Variants in CSMD1 observed in about 807,000 individuals in gnomAD.
The protein encoded by CSMD1 is CUB and sushi domain-containing protein 1.
In CSMD1, 213 loss-of-function variants were observed where a neutral mutation model predicts 417.5. The observed-to-expected ratio is 0.51, with a 90% confidence interval of 0.46 to 0.57. CSMD1 has a LOEUF of 0.57. Ranked by LOEUF, CSMD1 falls within the 20% of genes least tolerant of loss-of-function variation. CSMD1 has a pLI of 0.00. For missense variants in CSMD1, 6,923 were observed against 4,529.7 expected (o/e 1.53, Z -15.17); for synonymous variants, 2,862 against 1,736.8 (o/e 1.65, Z -16.11).
At chr8:4,036,633 AG>A (rs1797631982) in intron 3 of CSMD1, among the ~76,000 whole-genome samples, 1 of 152,236 alleles carries the variant, frequency 6.6e-6, no homozygotes, top group East Asian at 1.9e-4. Flanking sequence ...CGGATGTCAA[AG>A]AAAAAACTAG....
intron 1 of CSMD1, among the ~76,000 whole-genome samples, chr8:4,771,994 C>T (rs1035333838): frequency 1.3e-5 from 2 of 152,130 alleles, no homozygotes; most frequent in African/African-American, 4.8e-5. Flanking sequence ...CAAACAAGAC[C>T]CATGTCTCGT....
intron 2 of CSMD1, among the ~76,000 whole-genome samples, chr8:4,510,390 TAAAAAAAAAAAAAAAAAAAAA>T (rs34791623): frequency 1.8e-5 from 1 of 54,644 alleles, no homozygotes; most frequent in East Asian, 6.2e-4. Flanking sequence ...GCATAATGCC[TAAAAAAAAAAAAAAAAAAAAA>T]AAAAAAAAAA....
At chr8:4,597,696 C>T (rs1215123376) in intron 2 of CSMD1, among the ~76,000 whole-genome samples, 3 of 152,060 alleles carry the variant, frequency 2.0e-5, no homozygotes, top group Admixed American at 6.6e-5. Flanking sequence ...TTATTAACTC[C>T]TTTGGACCAT....
intron 3 of CSMD1, among the ~76,000 whole-genome samples, chr8:4,233,336 A>G (rs1184579041): frequency 3.9e-5 from 6 of 152,198 alleles, no homozygotes; most frequent in Admixed American, 3.9e-4. Context: ...CTTCATTGAC[A>G]TATTAAAAGT....
intron 3 of CSMD1, among the ~76,000 whole-genome samples, chr8:4,088,474 C>CT (rs1239115579): frequency 1.6e-4 from 24 of 152,358 alleles, no homozygotes; most frequent in African/African-American, 5.8e-4. Context: ...CCCAACATCT[C>CT]TCTTCACTGG....
chr8:4,589,084 G>T (rs1259599689), intron 2 of CSMD1, among the ~76,000 whole-genome samples: 3 of 151,970 alleles, frequency 2.0e-5, no homozygotes, highest in African/African-American at 4.8e-5. Context: ...TAAAAAATAT[G>T]TTGTCCTTAG....
chr8:3,970,334 A>G (rs551931308), intron 5 of CSMD1, among the ~76,000 whole-genome samples: 5 of 152,316 alleles, frequency 3.3e-5, no homozygotes, highest in African/African-American at 9.6e-5. Flanking sequence ...AGAATCCTAT[A>G]CCAGCATAAG....
chr8:3,266,878 G>A (rs1488651142), intron 26 of CSMD1, among the ~76,000 whole-genome samples: 2 of 152,040 alleles, frequency 1.3e-5, no homozygotes, highest in Admixed American at 6.5e-5. Flanking sequence ...AGTGATGAGT[G>A]TAGAAACACA....
At chr8:4,647,158 T>C (rs1368300332) in intron 1 of CSMD1, among the ~76,000 whole-genome samples, 3 of 152,000 alleles carry the variant, frequency 2.0e-5, no homozygotes, top group South Asian at 2.1e-4. Context: ...AATGGGTTCA[T>C]ATCCATCTCT....
chr8:3,506,189 C>G (rs1002824508), intron 10 of CSMD1, among the ~76,000 whole-genome samples: 1 of 152,074 alleles, frequency 6.6e-6, no homozygotes, highest in Non-Finnish European at 1.5e-5. Flanking sequence ...TGAACACCCC[C>G]AGCCCCAGGA....
At chr8:3,322,083 A>G (rs1033077849) in intron 23 of CSMD1, among the ~76,000 whole-genome samples, 3 of 152,234 alleles carry the variant, frequency 2.0e-5, no homozygotes, top group African/African-American at 7.2e-5. Context: ...TACATAATAT[A>G]TGAAAGTCAG....
intron 50 of CSMD1, chr8:3,043,738 C>T (rs1410026073): frequency 6.6e-6 from 1 of 152,138 alleles, no homozygotes; most frequent in African/African-American, 2.4e-5. Flanking sequence ...TTTTCAAGTG[C>T]TCTTCATCCA....
intron 11 of CSMD1, among the ~76,000 whole-genome samples, chr8:3,488,081 T>C (rs956590143): frequency 3.5e-5 from 5 of 143,680 alleles, no homozygotes; most frequent in Admixed American, 6.9e-5. Context: ...GTTTAGAAAC[T>C]CATAGTATTA....
chr8:3,442,107 T>A (rs1414024356), intron 12 of CSMD1, among the ~76,000 whole-genome samples: 1 of 151,976 alleles, frequency 6.6e-6, no homozygotes, highest in East Asian at 1.9e-4. Flanking sequence ...ATAAAAAATG[T>A]TTACAGAAGA....
At chr8:4,563,125 G>C (rs549290285) in intron 2 of CSMD1, among the ~76,000 whole-genome samples, 1 of 152,224 alleles carries the variant, frequency 6.6e-6, no homozygotes, top group East Asian at 1.9e-4. Flanking sequence ...CAATGGGCCG[G>C]GCACAGTGAC....
intron 3 of CSMD1, among the ~76,000 whole-genome samples, chr8:4,044,960 C>T (rs577733640): frequency 6.6e-6 from 1 of 152,218 alleles, no homozygotes; most frequent in Non-Finnish European, 1.5e-5. Context: ...TAATTATATT[C>T]AACATCTTGT....
chr8:3,817,252 C>CTTTTTTTTTTTTTTTTTTTTTTTT (rs767668610), intron 5 of CSMD1, among the ~76,000 whole-genome samples: 1 of 54,390 alleles, frequency 1.8e-5, no homozygotes, highest in Non-Finnish European at 3.4e-5. Context: ...TCTTCTTCTT[C>CTTTTTTTTTTTTTTTTTTTTTTTT]TTTTTTTTTT....
At chr8:4,799,939 T>G (rs1798185760) in intron 1 of CSMD1, among the ~76,000 whole-genome samples, 1 of 152,128 alleles carries the variant, frequency 6.6e-6, no homozygotes. Flanking sequence ...GCGATGCATG[T>G]ACCCTCGAAC....
intron 2 of CSMD1, among the ~76,000 whole-genome samples, chr8:4,473,350 T>C (rs946269630): frequency 6.6e-6 from 1 of 152,180 alleles, no homozygotes; most frequent in African/African-American, 2.4e-5. Flanking sequence ...CCTGATGCCA[T>C]TGGGGTATCT....
Sources: gnomAD v4.1 joint callset for allele counts (sites outside exome capture counted in the v4.1 genomes callset) on GRCh38, gnomAD v4.1.1 for gene constraint, MANE v1.5 for transcripts, NCBI Gene and HGNC (gene_info 2026-07-23, HGNC 2026-07-21) for gene names.